C1S: variants seen among roughly 807,000 people sequenced by gnomAD.
The protein encoded by C1S is complement C1s subcomponent.
Under a neutral mutation model 54.0 loss-of-function variants are expected in C1S, and 31 were observed. The ratio of observed to expected loss-of-function variants is 0.57; its 90% CI spans 0.43 to 0.78. The LOEUF (loss-of-function observed/expected upper bound fraction) is 0.78. Ranked by LOEUF, C1S falls within the 30% of genes least tolerant of loss-of-function variation. The pLI is 0.00. For missense variants in C1S, 727 were observed against 851.8 expected (o/e 0.85, Z 1.82); for synonymous variants, 292 against 303.6 (o/e 0.96, Z 0.40).
At position 7,062,496 on chromosome 12, in the gene C1S, T is replaced by C; in HGVS notation, c.27T>C (p.Leu9=). MWCIVLFS[L]LAWVYAEPTM... is the part of the protein sequence containing the mutation. The stretch of plus-strand genomic sequence containing the variant: ...TCAGGTGCATTGTCCTGTTTTCACT[T>C]TTGGCATGGGTTTATGCTGAGCCTA... The change falls in exon 3 of 12, where the codon CTT becomes CTC. Residue 9 remains leucine (L), a synonymous_variant. Transcript: ENST00000360817. 6.2e-7 allele frequency: 1 copy of C among 1,613,274 alleles called. No individual in the cohort carries two copies. The highest frequency in any genetic ancestry group is 8.5e-7 in the Non-Finnish European group (1 of 1,179,968).
Position 7,065,745 on chromosome 12 carries a change from G to T in C1S, c.718-72G>T, listed in dbSNP as rs782718614. Reference sequence around the variant, plus strand: ...GTGACATTTAATGCCTCTTTTATTTGTATCTCCCACTTCCCAATTTTACCT... The same window carrying T: ...GTGACATTTAATGCCTCTTTTATTTTTATCTCCCACTTCCCAATTTTACCT... On this transcript the variant is annotated intron_variant, in intron 6 of 11. Coordinates refer to ENST00000360817, the MANE Select transcript of C1S (RefSeq NM_001734.5). The T allele has an allele frequency of 6.4e-6, 8 of 1,245,498 alleles. No homozygotes were observed. In the Admixed American group the frequency reaches 8.4e-5, roughly 13 times the overall value. The allele number at this position is 1,245,498 out of a possible 1,614,324, so 77.2% of individuals were successfully genotyped here.
In C1S at chr12:7,065,918, A is replaced by G; in HGVS notation, c.819A>G (p.Gln273=). Residue 273 remains glutamine, a synonymous_variant, in exon 7 of 12, where the codon CAA becomes CAG. Coordinates refer to ENST00000360817, the MANE Select transcript of C1S (RefSeq NM_001734.5). ...GTAATGCTCTTGATATCATCTTCCA[A>G]ACTGATCTAACAGGGCAAAAAAAGG... ...TKSNALDIIF[Q]TDLTGQKKGW... 9 of 1,613,782 alleles carry G rather than the reference A, an allele frequency of 5.6e-6. No individual in the cohort carries two copies. Among genetic ancestry groups the G allele is most frequent in the Non-Finnish European group, 7.6e-6 (9 of 1,179,792 alleles).
intron 2 of C1S, 175 bp downstream of exon 2, chr12:7,062,092 A>T (rs1947097387): frequency 3.0e-6 from 2 of 661,042 alleles, no homozygotes; most frequent in South Asian, 3.3e-5. Context: ...CAACATAAGG[A>T]GACCCTGTCT....
intron 10 of C1S, 103 bp from the exon 11 acceptor site, chr12:7,068,353 C>A: frequency 1.2e-6 from 1 of 818,096 alleles, no homozygotes; most frequent in East Asian, 2.4e-5. Flanking sequence ...CCTAGACGAG[C>A]TGAGGTTCTG....
rs1555162444 is a variant in C1S, at chr12:7,067,376, G to GC, written c.1066+260dup. 8.0e-6 allele frequency: 5 copies of GC among 627,876 alleles called. No homozygotes were observed. The African/African-American group carries it at 9.1e-5, about 11-fold the overall frequency. The allele number at this position is 627,876 out of a possible 1,614,324, so 38.9% of individuals were successfully genotyped here. On this transcript the variant is annotated intron_variant, in intron 9 of 11. Transcript: ENST00000360817. ...GTAGCCCCACGTGGGTGCATTTGTGGCTTCCACTGGGCCTTCACCAACCAC... is the reference window on the plus strand; with the variant it reads ...GTAGCCCCACGTGGGTGCATTTGTGGCCTTCCACTGGGCCTTCACCAACCAC...
chr12:7,064,588 T>C (rs1342985881), intron 5 of C1S, among the ~76,000 whole-genome samples, 196 bp downstream of exon 5: 5 of 152,194 alleles, frequency 3.3e-5, no homozygotes, highest in African/African-American at 4.8e-5. Context: ...TGTTTTTGGT[T>C]ACATGGATGA....
Position 7,065,827 on chromosome 12 carries a change from G to T in C1S, c.728G>T (p.Gly243Val). 6.2e-7 allele frequency: 1 copy of T among 1,612,496 alleles called. No homozygotes were observed. Among genetic ancestry groups the T allele is most frequent in the Non-Finnish European group, 8.5e-7 (1 of 1,179,828 alleles). The stretch of plus-strand genomic sequence containing the variant: ...CATCATTTTGTTCAGTTTGTTGCAG[G>T]AGATCGGCAATTTGGTCCTTACTGT... ...NCLDSLVFVA[G>V]DRQFGPYCGH... The change falls in exon 7 of 12, where the codon GGA becomes GTA. Residue 243 changes from glycine to valine, a missense_variant. Gly to Val is a moderately radical substitution (Grantham distance 109, BLOSUM62 -3). Around this residue, in one of 3 missense-constraint regions of C1S, gnomAD observed 357 missense variants for 365.4 expected, o/e 0.98. Transcript: ENST00000360817.
In C1S at chr12:7,061,839, G is replaced by A; in HGVS notation, c.-74G>A. ...TACAGCCAGGCCTGCCACCCCTTAG[G>A]CTCCAAAGTCCGGAGGTGCAGAAAG... is the stretch of plus-strand genomic sequence containing the variant. On this transcript the variant is annotated splice_region_variant and 5_prime_UTR_variant, in exon 2 of 12. Transcript: ENST00000360817. 6.3e-7 allele frequency: 1 copy of A among 1,577,922 alleles called. No individual in the cohort carries two copies. Among genetic ancestry groups the A allele is most frequent in the Non-Finnish European group, 8.7e-7 (1 of 1,147,306 alleles).
At chr12:7,064,101 G>T (rs782479197) in intron 4 of C1S, 166 bp from the exon 5 acceptor site, 2 of 777,792 alleles carry the variant, frequency 2.6e-6, no homozygotes, top group South Asian at 2.7e-5. Flanking sequence ...GGAATCATAT[G>T]TCAGGAGAGT....
At chr12:7,062,215 G>C (rs1947100414) in intron 2 of C1S, 1 of 560,386 alleles carries the variant, frequency 1.8e-6, no homozygotes, top group Non-Finnish European at 3.1e-6. Context: ...AGGCTGCAGT[G>C]ACCTGAGATC....
In C1S at chr12:7,064,324, T is replaced by A; in HGVS notation, c.449T>A (p.Phe150Tyr). Residue 150 changes from phenylalanine (F) to tyrosine (Y), a missense_variant, in exon 5 of 12, where the codon TTC becomes TAC. By Grantham distance (22) the Phe-to-Tyr change is conservative (BLOSUM62 3). Coordinates refer to ENST00000360817, the MANE Select transcript of C1S (RefSeq NM_001734.5). ...CCTTGTAGCCACTTCTGCAACAATT[T>A]CATTGGTGGTTACTTCTGCTCCTGC... ...DVPCSHFCNNFIGGYFCSCPP... is the reference protein window; with the variant it reads ...DVPCSHFCNNYIGGYFCSCPP... 6.2e-7 allele frequency: 1 copy of A among 1,614,004 alleles called. No individual in the cohort carries two copies. Among genetic ancestry groups the A allele is most frequent in the Non-Finnish European group, 8.5e-7 (1 of 1,179,896 alleles).
intron 5 of C1S, among the ~76,000 whole-genome samples, chr12:7,064,862 CTGTTCATAACCAGA>C (rs1947150499): frequency 1.3e-5 from 2 of 152,122 alleles, no homozygotes; most frequent in Non-Finnish European, 2.9e-5. Flanking sequence ...CTACTGGGGG[CTGTTCATAACCAGA>C]AAGGCTCCAT....
Position 7,067,043 on chromosome 12 carries a change from G to T in C1S, c.992G>T (p.Arg331Leu), listed in dbSNP as rs782362588. 1 of 1,609,436 alleles carries T rather than the reference G, an allele frequency of 6.2e-7. No homozygotes were observed. Among genetic ancestry groups the T allele is most frequent in the Non-Finnish European group, 8.5e-7 (1 of 1,175,814 alleles). ...CLDGFEVVEG[R>L]VGATSFYSTC... ...GTGATGTTTATTATTCTCCAGGGAC[G>T]TGTTGGTGCAACATCTTTCTATTCG... Residue 331 changes from arginine to leucine, a missense_variant, in exon 9 of 12, where the codon CGT (arginine) becomes CTT (leucine). By Grantham distance (102) the Arg-to-Leu change is moderately radical (BLOSUM62 -2). Coordinates refer to ENST00000360817, the MANE Select transcript of C1S (RefSeq NM_001734.5).
chr12:7,066,044 A>G, intron 7 of C1S, 74 bp downstream of exon 7: 2 of 1,345,256 alleles, frequency 1.5e-6, no homozygotes, highest in Non-Finnish European at 2.1e-6. Context: ...AAGCAGGTAG[A>G]TGATCCAGGC....
Position 7,065,179 on chromosome 12 carries a change from C to T in C1S, c.597C>T (p.Asn199=). 1.9e-6 allele frequency: 3 copies of T among 1,614,050 alleles called. No homozygotes were observed. The highest frequency in any genetic ancestry group is 2.5e-6 in the Non-Finnish European group (3 of 1,179,930). Residue 199 remains asparagine (N), a synonymous_variant, in exon 6 of 12, where the codon AAC becomes AAT. Transcript: ENST00000360817. The part of the protein sequence containing the change: ...SPNYPKPYPE[N]SRCEYQIRLE... The stretch of plus-strand genomic sequence containing the variant: ...ATTATCCCAAACCATATCCAGAGAA[C>T]TCAAGGTGTGAATACCAGATCCGGT...
chr12:7,063,498 C>A, intron 4 of C1S: 1 of 367,156 alleles, frequency 2.7e-6, no homozygotes, highest in Non-Finnish European at 5.6e-6. Flanking sequence ...ATATGGCATT[C>A]AAACCTTCAA....
In C1S at chr12:7,070,638, C is replaced by T; in HGVS notation, c.2054C>T (p.Pro685Leu). 1 of 1,613,774 alleles carries T rather than the reference C, an allele frequency of 6.2e-7. No homozygotes were observed. Among genetic ancestry groups the T allele is most frequent in the Non-Finnish European group, 8.5e-7 (1 of 1,179,926 alleles). ...IMKTMQENST[P>L]RED ...AAGACTATGCAGGAAAATAGCACCC[C>T]CCGTGAGGACTAATCCAGATACATC... The change falls in exon 12 of 12, where the codon CCC becomes CTC. Residue 685 changes from proline (P) to leucine (L), a missense_variant. Transcript: ENST00000360817. The surrounding 1 kb of genome is among the most constrained non-coding windows in gnomAD (Gnocchi z 4.9).
chr12:7,062,196 G>A (rs1195666828), intron 2 of C1S: 12 of 568,730 alleles, frequency 2.1e-5, no homozygotes, highest in Non-Finnish European at 3.1e-5. Context: ...ACTTGAGCGC[G>A]GGAGGTCAAG....
In C1S at chr12:7,062,966, A is replaced by G. The variant is rs1555161491; in HGVS notation, c.290A>G (p.Glu97Gly). ...SSNNPHSPIV[E>G]EFQVPYNKLQ... is the part of the protein sequence containing the mutation. ...AACAATCCCCACTCTCCAATTGTGGAAGAGTTCCAAGTCCCATACAACAAA... is the reference window on the plus strand; with the variant it reads ...AACAATCCCCACTCTCCAATTGTGGGAGAGTTCCAAGTCCCATACAACAAA... Residue 97 changes from glutamate to glycine, a missense_variant, in exon 4 of 12, where the codon GAA (glutamate) becomes GGA (glycine). Glu to Gly is a moderately conservative substitution (Grantham distance 98). Transcript: ENST00000360817. 2 of 1,613,932 alleles carry G rather than the reference A, an allele frequency of 1.2e-6. No homozygotes were observed. Among genetic ancestry groups the G allele is most frequent in the Admixed American group, 3.3e-5 (2 of 60,012 alleles).
Sources: gnomAD v4.1 joint callset for allele counts (sites outside exome capture counted in the v4.1 genomes callset) on GRCh38, gnomAD v4.1.1 for gene constraint, gnomAD v4.1.1 regional missense constraint, Gnocchi (gnomAD v3.1) non-coding constraint, MANE v1.5 for transcripts, NCBI Gene and HGNC (gene_info 2026-07-23, HGNC 2026-07-21) for gene names.